The following FHL2 variants were observed in gnomAD, a reference collection of about 807,000 sequenced individuals.
FHL2 encodes four and a half LIM domains 2.
A neutral mutation model predicts 32.7 loss-of-function variants in FHL2; 20 were observed. The ratio of observed to expected loss-of-function variants is 0.61; its 90% CI spans 0.43 to 0.89. The LOEUF is 0.89. Among genes scored for constraint, FHL2 ranks in the 40% least tolerant of loss-of-function variants. The pLI, the probability that FHL2 is intolerant of heterozygous loss-of-function variation, is 0.00. For synonymous variants in FHL2, 123 were observed against 128.1 expected, an observed-to-expected ratio of 0.96 and a Z score of 0.27; for missense variants, 311 against 358.6, an observed-to-expected ratio of 0.87 and a Z score of 1.07.
chr2:105,364,197 A>C (rs1484845113), intron 5 of FHL2, among the ~76,000 whole-genome samples: 1 of 152,200 alleles, frequency 6.6e-6, no homozygotes, highest in Non-Finnish European at 1.5e-5. Flanking sequence ...CAGAGGTTGC[A>C]GTGAGCCAAG....
At chr2:105,420,328 G>A (rs1255295041) in intron 1 of FHL2, among the ~76,000 whole-genome samples, 1 of 152,134 alleles carries the variant, frequency 6.6e-6, no homozygotes, top group East Asian at 1.9e-4. Context: ...ATCTCCCTGT[G>A]TGTGCGTCTG....
chr2:105,418,503 C>T (rs1256655606), intron 1 of FHL2, among the ~76,000 whole-genome samples: 1 of 152,048 alleles, frequency 6.6e-6, no homozygotes, highest in African/African-American at 2.4e-5. Context: ...GAACTGGGTC[C>T]AAAAGACCAG....
Position 105,398,869 on chromosome 2 carries a change from C to G in FHL2, c.-103G>C. The G allele has an allele frequency of 6.7e-7, 1 of 1,489,956 alleles. No individual in the cohort carries two copies. Among genetic ancestry groups the G allele is most frequent in the Non-Finnish European group, 8.9e-7 (1 of 1,124,124 alleles). The allele number at this position is 1,489,956 out of a possible 1,614,324, so 92.3% of individuals were successfully genotyped here. A position where few individuals can be genotyped will look rare whatever the true frequency, so the allele number is the denominator to read the frequency against. On this transcript the variant is annotated 5_prime_UTR_variant, in exon 1 of 7. Transcript: ENST00000530340. ...GTCTCCCCAACTCCGGCTCTGCTCC[C>G]CTCTCCTTGGGTCTCGCACCGGATT...
chr2:105,415,288 A>C (rs969137272), intron 1 of FHL2, among the ~76,000 whole-genome samples: 3 of 152,240 alleles, frequency 2.0e-5, no homozygotes, highest in Non-Finnish European at 2.9e-5. Flanking sequence ...ATTTGTAAGA[A>C]AAGGATGTGT....
intron 1 of FHL2, among the ~76,000 whole-genome samples, chr2:105,417,124 C>T (rs549610422): frequency 1.3e-5 from 2 of 152,276 alleles, no homozygotes; most frequent in Admixed American, 1.3e-4. Flanking sequence ...TGGCTCACGC[C>T]GGTAATCCCA....
intron 6 of FHL2, chr2:105,363,040 A>AAACT: frequency 4.1e-6 from 2 of 484,390 alleles, no homozygotes; most frequent in South Asian, 6.4e-5. Context: ...CCCAAAGCAG[A>AAACT]AACTAAACTG....
At chr2:105,379,740 C>A (rs1681741740) in intron 3 of FHL2, among the ~76,000 whole-genome samples, 2 of 152,192 alleles carry the variant, frequency 1.3e-5, no homozygotes, top group South Asian at 4.1e-4. Flanking sequence ...TGCCTTTGAC[C>A]ATACTCTGTC....
chr2:105,399,235 G>C (rs1284994530), upstream of FHL2: 2 of 1,534,746 alleles, frequency 1.3e-6, no homozygotes, highest in South Asian at 2.4e-5. Flanking sequence ...TTGTTTGCCA[G>C]GGCTCCTTTC....
intron 2 of FHL2, among the ~76,000 whole-genome samples, chr2:105,391,133 AC>A (rs1391203353): frequency 6.6e-6 from 1 of 151,984 alleles, no homozygotes; most frequent in Non-Finnish European, 1.5e-5. Flanking sequence ...TGCATTTTTT[AC>A]ATCCCATAAA....
chr2:105,429,485 A>G (rs994246957), intron 1 of FHL2, among the ~76,000 whole-genome samples: 1 of 152,176 alleles, frequency 6.6e-6, no homozygotes, highest in South Asian at 2.1e-4. Context: ...TGAAGATGCT[A>G]TGCTCTGGGC....
intron 6 of FHL2, among the ~76,000 whole-genome samples, chr2:105,361,954 C>T (rs575030006): frequency 1.2e-4 from 19 of 152,260 alleles, no homozygotes; most frequent in Admixed American, 9.8e-4. Context: ...GAGAAAGCTG[C>T]AGACAGATAG....
downstream of FHL2, chr2:105,359,319 A>G (rs1339494179): frequency 2.6e-5 from 4 of 152,234 alleles, no homozygotes; most frequent in African/African-American, 7.2e-5. Context: ...TATGAAGTAG[A>G]AAACAGCAAA....
At chr2:105,362,542 G>A (rs1680342965) in intron 6 of FHL2, among the ~76,000 whole-genome samples, 1 of 152,208 alleles carries the variant, frequency 6.6e-6, no homozygotes, top group Non-Finnish European at 1.5e-5. Flanking sequence ...CCTCTGATAG[G>A]AACGAACCAG....
intron 1 of FHL2, among the ~76,000 whole-genome samples, chr2:105,424,688 T>C (rs990297699): frequency 6.6e-6 from 1 of 152,232 alleles, no homozygotes; most frequent in Non-Finnish European, 1.5e-5. Context: ...CATGGAATAC[T>C]ATGCAGCCAT....
chr2:105,407,784 C>T (rs949521289), intron 1 of FHL2, among the ~76,000 whole-genome samples: 3 of 152,064 alleles, frequency 2.0e-5, no homozygotes, highest in African/African-American at 4.8e-5. Flanking sequence ...CTTCTCCTGC[C>T]CCAATCCTCC....
intron 1 of FHL2, among the ~76,000 whole-genome samples, chr2:105,430,314 T>C (rs1394616139): frequency 6.6e-6 from 1 of 152,166 alleles, no homozygotes; most frequent in Non-Finnish European, 1.5e-5. Flanking sequence ...CCTCCTCTTG[T>C]TTCCTTTCCT....
chr2:105,434,826 T>G (rs1684540851), intron 1 of FHL2, among the ~76,000 whole-genome samples: 1 of 152,128 alleles, frequency 6.6e-6, no homozygotes, highest in Non-Finnish European at 1.5e-5. Flanking sequence ...CAGGCTGTTT[T>G]CAAACTCCTG....
At chr2:105,397,657 G>T (rs752471069) in intron 1 of FHL2, among the ~76,000 whole-genome samples, 5 of 152,142 alleles carry the variant, frequency 3.3e-5, no homozygotes, top group Non-Finnish European at 5.9e-5. Flanking sequence ...TGGTGTAAAC[G>T]CATTTTAAAC....
intron 4 of FHL2, among the ~76,000 whole-genome samples, chr2:105,368,768 C>T (rs913961543): frequency 2.0e-5 from 3 of 152,088 alleles, no homozygotes; most frequent in African/African-American, 7.2e-5. Context: ...TCCAGATAGG[C>T]GTATAAACAA....
Sources: gnomAD v4.1 joint callset for allele counts (sites outside exome capture counted in the v4.1 genomes callset) on GRCh38, gnomAD v4.1.1 for gene constraint, MANE v1.5 for transcripts, NCBI Gene and HGNC (gene_info 2026-07-23, HGNC 2026-07-21) for gene names.